Variants in CABIN1 observed in about 807,000 individuals in gnomAD.
CABIN1 encodes calcineurin binding protein 1.
Under a neutral mutation model 227.7 loss-of-function variants are expected in CABIN1, and 133 were observed. The observed-to-expected ratio is 0.58, with a 90% CI of 0.51 to 0.67. The LOEUF (loss-of-function observed/expected upper bound fraction) is 0.67, where lower values mean the gene tolerates loss of function less well. Among genes scored for constraint, CABIN1 ranks in the 30% least tolerant of loss-of-function variants. The pLI is 0.00. For synonymous variants in CABIN1, 1,086 were observed against 1,155.1 expected (o/e 0.94, Z 1.21); for missense variants, 2,408 against 2,852.5 (o/e 0.84, Z 3.55).
intron 29 of CABIN1, among the ~76,000 whole-genome samples, chr22:24,137,620 C>T (rs1316027888): frequency 2.0e-5 from 3 of 152,236 alleles, no homozygotes; most frequent in Admixed American, 6.5e-5. Flanking sequence ...CTTTTACCAT[C>T]GTTTGGGGCC....
chr22:24,133,929 A>G (rs2044228906), intron 28 of CABIN1, among the ~76,000 whole-genome samples: 1 of 152,220 alleles, frequency 6.6e-6, no homozygotes, highest in Non-Finnish European at 1.5e-5. Context: ...AACGCTACTG[A>G]TTCCTGACAA....
intron 1 of CABIN1, among the ~76,000 whole-genome samples, chr22:24,030,727 G>A (rs2036433888): frequency 6.6e-6 from 1 of 152,296 alleles, no homozygotes; most frequent in South Asian, 2.1e-4. Context: ...TATGGAGGAG[G>A]TGGGAGGGAT....
chr22:24,097,895 G>A (rs1056797777), intron 25 of CABIN1, 119 bp from the exon 26 acceptor site: 7 of 1,302,354 alleles, frequency 5.4e-6, no homozygotes, highest in Non-Finnish European at 6.7e-6. Context: ...TGGGGTGGGG[G>A]CCACCAGAGG....
chr22:24,113,454 C>T, intron 26 of CABIN1, 112 bp from the exon 27 acceptor site: 1 of 1,004,972 alleles, frequency 1.0e-6, no homozygotes. Context: ...AGGCCATCTC[C>T]TGCAAAGCAG....
chr22:24,083,652 C>T (rs1394483794), intron 20 of CABIN1, among the ~76,000 whole-genome samples: 1 of 152,120 alleles, frequency 6.6e-6, no homozygotes, highest in Non-Finnish European at 1.5e-5. Context: ...GTTCTAGCTG[C>T]TCTGGAGGGT....
rs538838554 is a variant in CABIN1, at chr22:24,143,285, G to A, written c.4746+8870G>A. On this transcript the variant is annotated intron_variant, in intron 29 of 36. Transcript: ENST00000263119. ...TATCTGAATGGCCCATTGGCTGGAT[G>A]GGGAGGATGGAATTAGGTAGCAGTG... Among the ~76,000 whole-genome samples the A allele has an allele frequency of 2.6e-5, 4 of 152,334 alleles. No individual in the cohort carries two copies. The East Asian group carries it at 7.7e-4, about 29-fold the overall frequency.
At chr22:24,053,225 C>G (rs1446527764) in intron 8 of CABIN1, among the ~76,000 whole-genome samples, 2 of 151,274 alleles carry the variant, frequency 1.3e-5, no homozygotes, top group African/African-American at 2.4e-5. Flanking sequence ...CTACAGGTGC[C>G]CACCACCACG....
intron 15 of CABIN1, among the ~76,000 whole-genome samples, chr22:24,065,706 T>C (rs1256012610): frequency 6.6e-6 from 1 of 152,246 alleles, no homozygotes; most frequent in Non-Finnish European, 1.5e-5. Flanking sequence ...CACTCTAGCC[T>C]GGGCACCATT....
chr22:24,058,871 G>C (rs981825042), intron 10 of CABIN1, among the ~76,000 whole-genome samples: 1 of 152,254 alleles, frequency 6.6e-6, no homozygotes, highest in African/African-American at 2.4e-5. Context: ...ATTTGGGTTA[G>C]TTTGTGTACC....
In CABIN1 at chr22:24,117,800, G is replaced by GAA. The variant is rs1569240078; in HGVS notation, c.4301-1567_4301-1566insAA. On this transcript the variant is annotated intron_variant, in intron 27 of 36. Transcript: ENST00000263119. Reference sequence around the variant, plus strand: ...CCTGATGTGAACCGCTGAGAGGCCTGCATCATCATCTGATTCCTCTGTCTC... The same window carrying GAA: ...CCTGATGTGAACCGCTGAGAGGCCTGAACATCATCATCTGATTCCTCTGTCTC... Among the ~76,000 whole-genome samples, 530 of 152,356 alleles carry GAA rather than the reference G, an allele frequency of 3.5e-3. 4 individuals are homozygous for GAA. Among genetic ancestry groups the GAA allele is most frequent in the African/African-American group, 0.012 (498 of 41,574 alleles).
intron 29 of CABIN1, among the ~76,000 whole-genome samples, chr22:24,142,783 C>A (rs890997406): frequency 1.3e-5 from 2 of 152,198 alleles, no homozygotes; most frequent in Non-Finnish European, 2.9e-5. Context: ...TAAACAAGCC[C>A]CAGGACTGTC....
At position 24,059,320 on chromosome 22, in the gene CABIN1, G is replaced by T; in HGVS notation, c.1356G>T (p.Gly452=). 4 of 1,614,168 alleles carry T rather than the reference G, an allele frequency of 2.5e-6. No homozygotes were observed. Among genetic ancestry groups the T allele is most frequent in the Non-Finnish European group, 3.4e-6 (4 of 1,180,006 alleles). The change falls in exon 11 of 37, where the codon GGG becomes GGT. Residue 452 remains glycine, a synonymous_variant. Coordinates refer to ENST00000263119, the MANE Select transcript of CABIN1 (RefSeq NM_012295.4). ...EAKLESFPSI[G]PQRLSFDSAT... ...AACTGGAAAGCTTCCCAAGCATTGG[G>T]CCTCAAAGGCTGTCATTTGACTCAG...
chr22:24,136,179 G>T (rs577100675), intron 29 of CABIN1, among the ~76,000 whole-genome samples: 45 of 152,128 alleles, frequency 3.0e-4, no homozygotes, highest in Non-Finnish European at 4.9e-4. Flanking sequence ...ACATAGATGC[G>T]CATAAAAGGC....
intron 33 of CABIN1, chr22:24,170,041 A>AGGCCC (rs1341626209): frequency 4.5e-6 from 2 of 441,508 alleles, no homozygotes; most frequent in Admixed American, 2.4e-5. Flanking sequence ...ACGCCAGGCC[A>AGGCCC]GGCCCCAGCA....
Position 24,177,772 on chromosome 22 carries a change from C to A in CABIN1, c.6474C>A (p.Leu2158=). 6.2e-7 allele frequency: 1 copy of A among 1,610,182 alleles called. No homozygotes were observed. The highest frequency in any genetic ancestry group is 1.7e-5 in the Admixed American group (1 of 59,828). ...ITVTPPTPTL[L]SPKGSISEET... ...TCACGCCACCCACCCCAACCCTGCT[C>A]TCCCCCAAAGGCAGCATCTCGGAGG... Residue 2158 remains leucine (L), a synonymous_variant, in exon 36 of 37, where the codon CTC becomes CTA. Transcript: ENST00000263119. The surrounding 1 kb of genome is among the most constrained non-coding windows in gnomAD (Gnocchi z 4.4).
intron 29 of CABIN1, among the ~76,000 whole-genome samples, chr22:24,143,727 C>T (rs2044928649): frequency 6.6e-6 from 1 of 152,130 alleles, no homozygotes; most frequent in African/African-American, 2.4e-5. Flanking sequence ...ATAGCATGTC[C>T]GTGAGGCTTA....
At chr22:24,032,077 C>T (rs1465359417) in intron 1 of CABIN1, among the ~76,000 whole-genome samples, 1 of 152,146 alleles carries the variant, frequency 6.6e-6, no homozygotes, top group Non-Finnish European at 1.5e-5. Context: ...TTACCATCAC[C>T]ACCATCCATC....
At chr22:24,142,414 A>G (rs567412949) in intron 29 of CABIN1, among the ~76,000 whole-genome samples, 105 of 152,276 alleles carry the variant, frequency 6.9e-4, no homozygotes, top group Middle Eastern at 3.4e-3. Flanking sequence ...GAGCAAGGGG[A>G]ACAGGTATAT....
At chr22:24,068,785 C>T (rs1426445491) in intron 16 of CABIN1, among the ~76,000 whole-genome samples, 1 of 152,100 alleles carries the variant, frequency 6.6e-6, no homozygotes, top group Non-Finnish European at 1.5e-5. Context: ...TGTTTTCATA[C>T]ATGTGTGATT....
Sources: allele counts gnomAD v4.1 joint callset (sites outside exome capture counted in the v4.1 genomes callset), GRCh38; gene constraint gnomAD v4.1.1; non-coding constraint Gnocchi (gnomAD v3.1); transcripts MANE v1.5; gene names NCBI Gene and HGNC (gene_info 2026-07-23, HGNC 2026-07-21).